Variants in ACER3 observed in about 807,000 individuals in gnomAD.
ACER3 encodes alkCDase 3.
In ACER3, 16 loss-of-function variants were observed where a neutral mutation model predicts 48.9. The ratio of observed to expected loss-of-function variants is 0.33; its 90% CI spans 0.22 to 0.50. The LOEUF (loss-of-function observed/expected upper bound fraction) is 0.50. Ranked by LOEUF, ACER3 falls within the 20% of genes least tolerant of loss-of-function variation. The pLI is 0.98. For missense variants in ACER3, 227 were observed against 326.0 expected (o/e 0.70, Z 2.34); for synonymous variants, 109 against 107.8 (o/e 1.01, Z -0.07).
chr11:76,994,099 T>C, intron 6 of ACER3: 1 of 444,284 alleles, frequency 2.3e-6, no homozygotes, highest in South Asian at 1.6e-5. Context: ...TCCTATAACA[T>C]TTATTTTATT....
At chr11:76,863,240 A>C (rs1944987156) in intron 1 of ACER3, among the ~76,000 whole-genome samples, 2 of 152,200 alleles carry the variant, frequency 1.3e-5, no homozygotes. Context: ...AAAAAATATA[A>C]AAAATGCAAA....
intron 8 of ACER3, among the ~76,000 whole-genome samples, chr11:77,016,058 G>A (rs1949360552): frequency 6.9e-6 from 1 of 145,962 alleles, no homozygotes; most frequent in Non-Finnish European, 1.5e-5. Flanking sequence ...AGTGAGCCGA[G>A]ATCGTGCTAC....
At chr11:76,946,131 C>CAGTCTGTAGCAGAGCAGTGGGT (rs1440610193) in intron 2 of ACER3, among the ~76,000 whole-genome samples, 1 of 152,170 alleles carries the variant, frequency 6.6e-6, no homozygotes, top group East Asian at 1.9e-4. Flanking sequence ...AGTCTCACAG[C>CAGTCTGTAGCAGAGCAGTGGGT]AGTCTGTAGC....
At chr11:77,011,952 A>G (rs1468185810) in intron 7 of ACER3, among the ~76,000 whole-genome samples, 1 of 152,194 alleles carries the variant, frequency 6.6e-6, no homozygotes, top group African/African-American at 2.4e-5. Flanking sequence ...ATTCTATAGC[A>G]TATAAAACAC....
intron 2 of ACER3, among the ~76,000 whole-genome samples, chr11:76,949,930 T>C (rs1330794073): frequency 6.6e-6 from 1 of 152,172 alleles, no homozygotes; most frequent in Non-Finnish European, 1.5e-5. Flanking sequence ...TACCCAACAG[T>C]TTAGCTATAT....
chr11:76,901,783 T>G (rs1259696261), intron 1 of ACER3, among the ~76,000 whole-genome samples: 7 of 152,186 alleles, frequency 4.6e-5, no homozygotes, highest in Non-Finnish European at 1.0e-4. Context: ...TGCTTTTCTA[T>G]ACAATGTCTG....
intron 4 of ACER3, chr11:76,978,760 C>G (rs1393529719): frequency 1.3e-5 from 2 of 154,362 alleles, no homozygotes; most frequent in African/African-American, 4.8e-5. Flanking sequence ...GGCTGTGACA[C>G]CCTTTTGGGG....
At chr11:76,943,961 T>A (rs934925062) in intron 2 of ACER3, among the ~76,000 whole-genome samples, 4 of 151,822 alleles carry the variant, frequency 2.6e-5, no homozygotes, top group Non-Finnish European at 4.4e-5. Context: ...TTATCTGATA[T>A]AAGTATAGTT....
At chr11:76,961,005 G>A (rs1720324810) in intron 3 of ACER3, among the ~76,000 whole-genome samples, 1 of 152,106 alleles carries the variant, frequency 6.6e-6, no homozygotes, top group South Asian at 2.1e-4. Context: ...GGATCTGAGA[G>A]CACAAGCAGA....
At chr11:77,018,853 C>T (rs1341795307) in intron 9 of ACER3, among the ~76,000 whole-genome samples, 1 of 152,140 alleles carries the variant, frequency 6.6e-6, no homozygotes, top group Non-Finnish European at 1.5e-5. Context: ...GTTCATGAGG[C>T]TTAAGGAAAA....
intron 2 of ACER3, among the ~76,000 whole-genome samples, chr11:76,936,725 T>C (rs949962745): frequency 4.6e-5 from 7 of 151,032 alleles, no homozygotes; most frequent in African/African-American, 1.7e-4. Flanking sequence ...TTCTTTCTTT[T>C]TTTTTTTTTT....
At chr11:76,975,569 G>A (rs1209630151) in intron 3 of ACER3, among the ~76,000 whole-genome samples, 1 of 152,072 alleles carries the variant, frequency 6.6e-6, no homozygotes, top group African/African-American at 2.4e-5. Flanking sequence ...GGTGATATAG[G>A]AAGGATGGAA....
chr11:76,957,896 T>G (rs1180636821), intron 2 of ACER3, among the ~76,000 whole-genome samples: 4 of 151,964 alleles, frequency 2.6e-5, no homozygotes, highest in Non-Finnish European at 5.9e-5. Context: ...TTATTTAAAA[T>G]GGAGGCACTT....
chr11:76,975,426 C>A (rs959972074), intron 3 of ACER3, among the ~76,000 whole-genome samples: 1 of 151,994 alleles, frequency 6.6e-6, no homozygotes, highest in Non-Finnish European at 1.5e-5. Flanking sequence ...ATTATTACTA[C>A]TATTATTATC....
intron 5 of ACER3, 87 bp downstream of exon 5, chr11:76,985,811 A>G (rs1448193552): frequency 2.8e-6 from 2 of 713,772 alleles, no homozygotes; most frequent in Admixed American, 3.9e-5. Context: ...TATTTGCTTC[A>G]TGCTGTCAAA....
intron 1 of ACER3, among the ~76,000 whole-genome samples, chr11:76,867,468 C>CAAAAAAAAAAAAA (rs1156610809): frequency 1.0e-3 from 20 of 19,654 alleles, no homozygotes; most frequent in African/African-American, 2.6e-3. Flanking sequence ...GACTCTGTCT[C>CAAAAAAAAAAAAA]AAAAAAAAAA....
chr11:76,934,471 T>G (rs1947116058), intron 2 of ACER3, among the ~76,000 whole-genome samples: 1 of 152,230 alleles, frequency 6.6e-6, no homozygotes, highest in Non-Finnish European at 1.5e-5. Context: ...GGATCACTTG[T>G]GGCTAGGAGC....
rs199915813 is a variant in ACER3 at position 76,943,578 on chromosome 11, A to G, written c.215-15401A>G. Among the ~76,000 whole-genome samples the G allele has an allele frequency of 2.6e-5, 4 of 152,172 alleles. No individual in the cohort carries two copies. In the East Asian group the frequency reaches 5.8e-4, roughly 22 times the overall value. On this transcript the variant is annotated intron_variant, in intron 2 of 10. Coordinates refer to ENST00000532485, the MANE Select transcript of ACER3 (RefSeq NM_018367.7). ...TTTAAGACTTATTTTGTGGCCTAAC[A>G]TGGTATATCTTATACAGTGTTCCAT...
At chr11:76,925,871 C>G (rs540934711) in intron 1 of ACER3, among the ~76,000 whole-genome samples, 1 of 152,244 alleles carries the variant, frequency 6.6e-6, no homozygotes, top group East Asian at 1.9e-4. Flanking sequence ...TATTGTGCCC[C>G]TTTATTCTTC....
Sources: gnomAD v4.1 joint callset for allele counts (sites outside exome capture counted in the v4.1 genomes callset) on GRCh38, gnomAD v4.1.1 for gene constraint, MANE v1.5 for transcripts, NCBI Gene and HGNC (gene_info 2026-07-23, HGNC 2026-07-21) for gene names.